Variants in SLF1 observed in about 807,000 individuals in gnomAD.
The protein encoded by SLF1 is SMC5/6 complex localization factor 1, also known as SMC5-SMC6 complex localization factor protein 1.
SLF1 carries 105 observed loss-of-function variants against 123.0 expected under a neutral mutation model. That is an observed-to-expected ratio of 0.85 (90% confidence interval 0.73 to 1.00). The LOEUF is 1.00. Among genes scored for constraint, SLF1 ranks in the 50% least tolerant of loss-of-function variants. SLF1 has a pLI of 0.00. For missense variants in SLF1, 1,239 were observed against 1,223.0 expected, an observed-to-expected ratio of 1.01 and a Z score of -0.20; for synonymous variants, 434 against 406.6, an observed-to-expected ratio of 1.07 and a Z score of -0.81.
chr5:94,662,245 T>C, intron 9 of SLF1, 53 bp from the exon 10 acceptor site: 1 of 1,460,356 alleles, frequency 6.8e-7, no homozygotes, highest in Non-Finnish European at 9.3e-7. Context: ...GAAGCTGAAA[T>C]GTATTTTTCA....
chr5:94,652,425 G>A (rs1747846587), intron 7 of SLF1, among the ~76,000 whole-genome samples: 2 of 152,114 alleles, frequency 1.3e-5, no homozygotes, highest in Non-Finnish European at 2.9e-5. Context: ...AGCTGTGTGT[G>A]TATCTCTAAC....
intron 1 of SLF1, among the ~76,000 whole-genome samples, chr5:94,624,876 G>T (rs989449752): frequency 6.6e-6 from 1 of 151,902 alleles, no homozygotes; most frequent in East Asian, 1.9e-4. Flanking sequence ...AGTAGGAAAA[G>T]CATATGTGTT....
intron 18 of SLF1, 50 bp downstream of exon 18, chr5:94,689,656 A>G (rs1301740297): frequency 1.3e-6 from 2 of 1,531,128 alleles, no homozygotes; most frequent in African/African-American, 1.4e-5. Flanking sequence ...TCATGGTTAT[A>G]GTCAGTACTT....
chr5:94,689,328 T>A (rs1389087351), intron 17 of SLF1, 145 bp from the exon 18 acceptor site: 2 of 841,138 alleles, frequency 2.4e-6, no homozygotes, highest in Non-Finnish European at 3.4e-6. Context: ...TTGAAATAAA[T>A]TTTAAAATTA....
intron 9 of SLF1, among the ~76,000 whole-genome samples, chr5:94,656,555 A>G (rs908704890): frequency 6.6e-6 from 1 of 151,982 alleles, no homozygotes; most frequent in Admixed American, 6.5e-5. Flanking sequence ...GAAACAGTTT[A>G]AAAAGTGCTG....
At chr5:94,662,066 T>G (rs989609589) in intron 9 of SLF1, among the ~76,000 whole-genome samples, 1 of 152,216 alleles carries the variant, frequency 6.6e-6, no homozygotes, top group Non-Finnish European at 1.5e-5. Flanking sequence ...TCAAAGCGAA[T>G]ATGACTTAAT....
At chr5:94,673,161 A>G (rs1379327110) in intron 14 of SLF1, among the ~76,000 whole-genome samples, 2 of 149,788 alleles carry the variant, frequency 1.3e-5, no homozygotes, top group East Asian at 3.9e-4. Context: ...TTTTTTTTTA[A>G]TCTTTTCTTC....
intron 12 of SLF1, among the ~76,000 whole-genome samples, chr5:94,668,201 C>G (rs1004153343): frequency 6.6e-6 from 1 of 151,916 alleles, no homozygotes; most frequent in Admixed American, 6.6e-5. Flanking sequence ...TGTGCAGTGG[C>G]GGGATCATAG....
rs571481247 is a variant in SLF1, at chr5:94,670,892, A to C, written c.1711A>C (p.Met571Leu). The part of the protein sequence containing the change: ...SQNLKITGKA[M>L]LLEIFWSGSE... ...GAATCTGAAAATAACAGGAAAGGCA[A>C]TGCTTCTTGAAATTTTTTGGTCAGG... The change falls in exon 14 of 21, where the codon ATG (methionine) becomes CTG (leucine). Residue 571 changes from methionine to leucine, a missense_variant. Physicochemically the swap from Met to Leu is conservative, Grantham distance 15. Transcript: ENST00000265140. The C allele has an allele frequency of 1.3e-6, 2 of 1,550,242 alleles. No homozygotes were observed. Among genetic ancestry groups the C allele is most frequent in the East Asian group, 4.9e-5 (2 of 40,808 alleles).
chr5:94,634,940 C>A (rs1009910774), intron 4 of SLF1, among the ~76,000 whole-genome samples: 37 of 152,116 alleles, frequency 2.4e-4, no homozygotes, highest in African/African-American at 8.9e-4. Flanking sequence ...GGATATTAAC[C>A]CTTTTTTACA....
At chr5:94,650,487 C>T (rs1455487343) in intron 6 of SLF1, among the ~76,000 whole-genome samples, 2 of 151,854 alleles carry the variant, frequency 1.3e-5, no homozygotes. Flanking sequence ...CTCAGCCTCC[C>T]GAGTAGCTGG....
chr5:94,650,191 A>G (rs1747529273), intron 6 of SLF1, among the ~76,000 whole-genome samples: 1 of 152,164 alleles, frequency 6.6e-6, no homozygotes, highest in African/African-American at 2.4e-5. Context: ...GTTCACTTTC[A>G]TATTGTGTTT....
intron 4 of SLF1, among the ~76,000 whole-genome samples, chr5:94,636,408 C>T (rs1034381783): frequency 1.3e-5 from 2 of 152,016 alleles, no homozygotes; most frequent in Admixed American, 1.3e-4. Flanking sequence ...TGATTTTATA[C>T]AGTTATTAGG....
At chr5:94,694,012 G>A (rs1207749452) in intron 20 of SLF1, among the ~76,000 whole-genome samples, 6 of 151,726 alleles carry the variant, frequency 4.0e-5, no homozygotes, top group Non-Finnish European at 7.4e-5. Flanking sequence ...TGTTATAATT[G>A]TAGGACCTAG....
intron 1 of SLF1, 77 bp from the exon 2 acceptor site, chr5:94,628,734 A>C: frequency 2.2e-6 from 2 of 890,482 alleles, no homozygotes; most frequent in Non-Finnish European, 3.3e-6. Context: ...TAGTACTCAT[A>C]GTTAAGAAAA....
chr5:94,680,102 G>A (rs1383395320), intron 15 of SLF1, among the ~76,000 whole-genome samples: 1 of 152,044 alleles, frequency 6.6e-6, no homozygotes, highest in African/African-American at 2.4e-5. Flanking sequence ...ATGTGTTTCA[G>A]TGTATCTTGA....
At chr5:94,667,863 C>T (rs1749987293) in intron 12 of SLF1, among the ~76,000 whole-genome samples, 1 of 152,186 alleles carries the variant, frequency 6.6e-6, no homozygotes, top group South Asian at 2.1e-4. Flanking sequence ...ATCCTCCCGC[C>T]TCAGCCTCCT....
At chr5:94,618,826 C>G (rs888653405) in intron 1 of SLF1, 61 bp downstream of exon 1, 1 of 154,882 alleles carries the variant, frequency 6.5e-6, no homozygotes, top group Admixed American at 6.5e-5. Context: ...GTTTCTTCGC[C>G]GGGCGGTACC....
At chr5:94,680,973 C>T (rs1413712147) in intron 15 of SLF1, among the ~76,000 whole-genome samples, 1 of 152,180 alleles carries the variant, frequency 6.6e-6, no homozygotes, top group Non-Finnish European at 1.5e-5. Context: ...TCAAAACTTT[C>T]GATGAGACTT....
Sources: gnomAD v4.1 joint callset for allele counts (sites outside exome capture counted in the v4.1 genomes callset) on GRCh38, gnomAD v4.1.1 for gene constraint, MANE v1.5 for transcripts, NCBI Gene and HGNC (gene_info 2026-07-23, HGNC 2026-07-21) for gene names.